ATG13: variants seen among roughly 807,000 people sequenced by gnomAD.
ATG13 encodes autophagy related 13.
Under a neutral mutation model 65.5 loss-of-function variants are expected in ATG13, and 23 were observed. That is an observed-to-expected ratio of 0.35 (90% CI 0.25 to 0.50). ATG13 has a LOEUF of 0.50. Among genes scored for constraint, ATG13 ranks in the 20% least tolerant of loss-of-function variants. ATG13 has a pLI of 0.98. For missense variants in ATG13, 566 were observed against 677.0 expected (o/e 0.84, Z 1.82); for synonymous variants, 252 against 245.2 (o/e 1.03, Z -0.26).
intron 14 of ATG13, among the ~76,000 whole-genome samples, chr11:46,666,635 G>A (rs1374597600): frequency 2.0e-5 from 3 of 152,168 alleles, no homozygotes; most frequent in Admixed American, 6.5e-5. Context: ...CTTTCAGAAC[G>A]GTTAAGTGAT....
rs2057253495 is a variant in ATG13, at chr11:46,645,351, A to G, written c.82A>G (p.Ile28Val). Residue 28 changes from isoleucine to valine, a missense_variant, in exon 4 of 19, where the codon ATT becomes GTT. By Grantham distance (29) the Ile-to-Val change is conservative. This residue lies in a region of ATG13 where 179 missense variants were observed against 267.2 expected (regional missense o/e 0.67). Transcript: ENST00000683050. ...TTTTTTTCTTTAGACTGTCCAAGTG[A>G]TTGTCCAGGCTCGGCTTGGTGAAAA... ...KFFALKTVQV[I>V]VQARLGEKIC... 1 of 1,613,096 alleles carries G rather than the reference A, an allele frequency of 6.2e-7. No homozygotes were observed. Among genetic ancestry groups the G allele is most frequent in the African/African-American group, 1.3e-5 (1 of 74,670 alleles).
At chr11:46,649,862 G>GAT (rs2058545406) in intron 6 of ATG13, among the ~76,000 whole-genome samples, 1 of 152,134 alleles carries the variant, frequency 6.6e-6, no homozygotes. Context: ...CAGCTCATAG[G>GAT]ATAGTACATG....
intron 2 of ATG13, among the ~76,000 whole-genome samples, chr11:46,641,902 G>A (rs998657520): frequency 6.6e-5 from 10 of 151,878 alleles, no homozygotes; most frequent in African/African-American, 2.4e-4. Flanking sequence ...ATCCTCCCGA[G>A]TAGCTAGGAC....
intron 1 of ATG13, among the ~76,000 whole-genome samples, chr11:46,622,809 T>A (rs2048189325): frequency 6.6e-6 from 1 of 152,216 alleles, no homozygotes; most frequent in Admixed American, 6.5e-5. Flanking sequence ...TTGAACAGAA[T>A]TCACAAGCTG....
chr11:46,618,981 C>T (rs1394108295), intron 1 of ATG13, among the ~76,000 whole-genome samples: 2 of 152,066 alleles, frequency 1.3e-5, no homozygotes, highest in East Asian at 3.8e-4. Context: ...CAGAGTCCGG[C>T]CCAGGAGCTT....
At chr11:46,628,439 A>C (rs1479866786) in intron 1 of ATG13, among the ~76,000 whole-genome samples, 1 of 152,100 alleles carries the variant, frequency 6.6e-6, no homozygotes, top group Non-Finnish European at 1.5e-5. Flanking sequence ...AAGCATCCAA[A>C]GTGTTGAATA....
chr11:46,666,681 C>T (rs912539966), intron 14 of ATG13, among the ~76,000 whole-genome samples: 7 of 152,162 alleles, frequency 4.6e-5, no homozygotes, highest in Non-Finnish European at 8.8e-5. Context: ...GGCACAAGGG[C>T]GAGCAGATTC....
chr11:46,664,823 C>T (rs1323730134), intron 12 of ATG13, 26 bp from the exon 13 acceptor site: 7 of 1,594,778 alleles, frequency 4.4e-6, no homozygotes, highest in Non-Finnish European at 6.0e-6. Context: ...CTTTCCTTTT[C>T]TCCTCTTTGT....
At chr11:46,657,437 A>G (rs2060266649) in intron 9 of ATG13, 87 bp from the exon 10 acceptor site, 2 of 1,283,848 alleles carry the variant, frequency 1.6e-6, no homozygotes, top group Admixed American at 1.7e-5. Context: ...GCCTGCCAAC[A>G]GATGTAAGGT....
chr11:46,635,764 C>G (rs1026852294), intron 2 of ATG13, among the ~76,000 whole-genome samples: 1 of 152,126 alleles, frequency 6.6e-6, no homozygotes, highest in African/African-American at 2.4e-5. Flanking sequence ...AGACTGCACC[C>G]TTTTTGGCTC....
At chr11:46,626,896 T>C (rs2049863179) in intron 1 of ATG13, among the ~76,000 whole-genome samples, 1 of 152,186 alleles carries the variant, frequency 6.6e-6, no homozygotes, top group African/African-American at 2.4e-5. Context: ...AAACATTTGC[T>C]ATAGAAAAAA....
rs1167789429 is a variant in ATG13 at position 46,617,589 on chromosome 11, A to G, written c.-371A>G. On this transcript the variant is annotated 5_prime_UTR_variant, in exon 1 of 19. The change abolishes an upstream ATG in the 5' untranslated region. Transcript: ENST00000683050. ...AAGCGGATGAAAACAAACACTAACGATGGCGGCGCCGGGAAGCGACCGGCT... is the reference window on the plus strand; with the variant it reads ...AAGCGGATGAAAACAAACACTAACGGTGGCGGCGCCGGGAAGCGACCGGCT... The G allele has an allele frequency of 6.5e-6, 1 of 154,220 alleles. No individual in the cohort carries two copies. The highest frequency in any genetic ancestry group is 2.8e-5 in the African/African-American group (1 of 36,090). The allele number at this position is 154,220 out of a possible 1,614,324, so 9.6% of individuals were successfully genotyped here. A position where few individuals can be genotyped will look rare whatever the true frequency, so the allele number is the denominator to read the frequency against.
chr11:46,618,690 T>C (rs2046208077), intron 1 of ATG13, among the ~76,000 whole-genome samples: 1 of 152,180 alleles, frequency 6.6e-6, no homozygotes, highest in Non-Finnish European at 1.5e-5. Context: ...TGTGTTGTTT[T>C]ATGACTGTTA....
At chr11:46,665,321 G>A in intron 13 of ATG13, 62 bp from the exon 14 acceptor site, 8 of 1,572,142 alleles carry the variant, frequency 5.1e-6, no homozygotes, top group Non-Finnish European at 6.9e-6. Flanking sequence ...ATGCTAGAAT[G>A]TGAAGTTCCC....
chr11:46,650,461 T>G, intron 7 of ATG13, 144 bp downstream of exon 7: 162 of 1,063,130 alleles, frequency 1.5e-4, no homozygotes, highest in Non-Finnish European at 1.9e-4. Context: ...ATGTGATCAC[T>G]ATCCAGCCTG....
intron 2 of ATG13, among the ~76,000 whole-genome samples, chr11:46,636,553 G>A (rs919440119): frequency 2.9e-5 from 3 of 103,444 alleles, no homozygotes; most frequent in African/African-American, 3.9e-5. Context: ...GCGAGACTCC[G>A]TCTCAAAAAA....
At chr11:46,669,274 T>A in intron 17 of ATG13, 130 bp from the exon 18 acceptor site, 1 of 1,173,884 alleles carries the variant, frequency 8.5e-7, no homozygotes, top group Non-Finnish European at 1.2e-6. Context: ...GAGAGAAAAG[T>A]GTAAAGATTT....
At chr11:46,628,448 T>A (rs2050500637) in intron 1 of ATG13, among the ~76,000 whole-genome samples, 1 of 152,112 alleles carries the variant, frequency 6.6e-6, no homozygotes, top group Admixed American at 6.5e-5. Flanking sequence ...AAGTGTTGAA[T>A]ATTTGTCAGC....
chr11:46,633,915 C>T (rs548076611), intron 2 of ATG13, among the ~76,000 whole-genome samples: 7 of 152,136 alleles, frequency 4.6e-5, no homozygotes, highest in Admixed American at 6.6e-5. Flanking sequence ...TCATTAAGAC[C>T]ACAAATAAAT....
Sources: gnomAD v4.1 joint callset for allele counts (sites outside exome capture counted in the v4.1 genomes callset) on GRCh38, gnomAD v4.1.1 for gene constraint, gnomAD v4.1.1 regional missense constraint, MANE v1.5 for transcripts, NCBI Gene and HGNC (gene_info 2026-07-23, HGNC 2026-07-21) for gene names.